CCDC141: variants seen among roughly 807,000 people sequenced by gnomAD.
CCDC141 encodes the protein coiled-coil domain containing 141.
Under a neutral mutation model 181.0 loss-of-function variants are expected in CCDC141, and 168 were observed. The observed-to-expected ratio is 0.93, with a 90% confidence interval of 0.82 to 1.05. The LOEUF (loss-of-function observed/expected upper bound fraction) is 1.05, where lower values mean the gene tolerates loss of function less well. CCDC141 is among the 50% of genes least tolerant of loss of function. CCDC141 has a pLI of 0.00. For missense variants in CCDC141, 1,902 were observed against 1,788.5 expected (o/e 1.06, Z -1.14); for synonymous variants, 666 against 642.3 (o/e 1.04, Z -0.56).
intron 4 of CCDC141, among the ~76,000 whole-genome samples, chr2:178,971,166 C>T (rs1014664783): frequency 6.6e-6 from 1 of 152,104 alleles, no homozygotes; most frequent in Non-Finnish European, 1.5e-5. Flanking sequence ...TGAGATTGCA[C>T]CACTGCACTC....
intron 3 of CCDC141, among the ~76,000 whole-genome samples, chr2:178,976,145 G>A (rs1429623353): frequency 6.6e-6 from 1 of 152,122 alleles, no homozygotes; most frequent in African/African-American, 2.4e-5. Context: ...TGATTATCCT[G>A]TCACAGTATG....
At chr2:178,934,005 G>A (rs78443056) in intron 6 of CCDC141, among the ~76,000 whole-genome samples, 2,878 of 152,198 alleles carry the variant, frequency 0.019, 84 homozygotes, top group East Asian at 0.13. Flanking sequence ...TTTTTTAACA[G>A]AAACTCCAAC....
chr2:178,873,635 T>C (rs958114074), intron 12 of CCDC141: 1 of 152,194 alleles, frequency 6.6e-6, no homozygotes, highest in Non-Finnish European at 1.5e-5. Flanking sequence ...TGTAGATGTC[T>C]AGCTAGTAGG....
intron 5 of CCDC141, among the ~76,000 whole-genome samples, chr2:178,952,750 G>C (rs1372216982): frequency 6.6e-6 from 1 of 152,228 alleles, no homozygotes; most frequent in Admixed American, 6.5e-5. Flanking sequence ...TCTATGGACA[G>C]TTAGACAGTC....
At chr2:178,939,583 T>G (rs1054711617) in intron 6 of CCDC141, among the ~76,000 whole-genome samples, 1 of 152,080 alleles carries the variant, frequency 6.6e-6, no homozygotes, top group Admixed American at 6.6e-5. Context: ...ATCAGATGGA[T>G]AGTTGATATT....
At chr2:178,821,270 T>C in the CCDC141 span, among the ~76,000 whole-genome samples, 6 of 152,312 alleles carry the variant, frequency 3.9e-5, no homozygotes, top group Admixed American at 6.5e-5. Flanking sequence ...TTATATTTTT[T>C]CTTTATTGAA....
chr2:178,980,741 T>C, intron 2 of CCDC141, among the ~76,000 whole-genome samples: 1 of 152,170 alleles, frequency 6.6e-6, no homozygotes, highest in East Asian at 1.9e-4. Context: ...GGAGTAACAA[T>C]GTGAAGTGAT....
At chr2:178,967,843 C>T (rs1235822206) in intron 4 of CCDC141, among the ~76,000 whole-genome samples, 1 of 152,050 alleles carries the variant, frequency 6.6e-6, no homozygotes, top group Non-Finnish European at 1.5e-5. Context: ...TCAGGAAACC[C>T]ATCTTATGTG....
At chr2:178,852,342 A>G (rs1306701869) in intron 20 of CCDC141, among the ~76,000 whole-genome samples, 1 of 152,210 alleles carries the variant, frequency 6.6e-6, no homozygotes, top group Admixed American at 6.5e-5. Context: ...GTTTATGGGT[A>G]GTAGAGAAGA....
At chr2:178,921,958 T>C (rs1359449992) in intron 6 of CCDC141, among the ~76,000 whole-genome samples, 1 of 152,236 alleles carries the variant, frequency 6.6e-6, no homozygotes, top group Non-Finnish European at 1.5e-5. Context: ...CAGGTAATTC[T>C]TTAAAAAGAT....
At chr2:178,884,280 A>T (rs1246172129) in intron 11 of CCDC141, among the ~76,000 whole-genome samples, 1 of 150,866 alleles carries the variant, frequency 6.6e-6, no homozygotes, top group Admixed American at 6.6e-5. Flanking sequence ...CCCCAAACTC[A>T]CTATGACCAA....
intron 7 of CCDC141, among the ~76,000 whole-genome samples, chr2:178,915,597 C>T (rs1013805778): frequency 6.6e-6 from 1 of 152,094 alleles, no homozygotes; most frequent in Admixed American, 6.6e-5. Context: ...AGGAAAGTAC[C>T]TTTTTGTAAA....
chr2:178,897,343 T>A (rs1015248542), intron 8 of CCDC141, among the ~76,000 whole-genome samples: 10 of 152,162 alleles, frequency 6.6e-5, no homozygotes, highest in African/African-American at 2.4e-4. Flanking sequence ...AAGAAAGTGA[T>A]CATGTCCTGT....
chr2:178,900,520 GT>G (rs1167721057), intron 8 of CCDC141, among the ~76,000 whole-genome samples: 2 of 151,872 alleles, frequency 1.3e-5, no homozygotes, highest in Admixed American at 6.6e-5. Flanking sequence ...TTGTTTGTTT[GT>G]TTTTTGTAGT....
At position 178,961,306 on chromosome 2, in the gene CCDC141, T is replaced by C. The variant is rs1029313097; in HGVS notation, c.704A>G (p.Asp235Gly). 1.8e-5 allele frequency: 28 copies of C among 1,550,408 alleles called. No individual in the cohort carries two copies. The African/African-American group carries it at 3.6e-4, about 20-fold the overall frequency. Residue 235 changes from aspartate to glycine, a missense_variant, in exon 5 of 24, where the codon GAC (aspartate) becomes GGC (glycine). Physicochemically the swap from Asp to Gly is moderately conservative, Grantham distance 94. Transcript: ENST00000443758. The part of the protein sequence containing the change: ...ELLQDRRRQL[D>G]KYLKQQWQEL... ...TTGCCACTGTTGCTTCAAGTACTTG[T>C]CTAGTTGTCTTCTCCTGTCTTGTAG... is the stretch of plus-strand genomic sequence containing the variant.
At chr2:179,002,596 A>G (rs988250320) in intron 2 of CCDC141, 1 of 278,012 alleles carries the variant, frequency 3.6e-6, no homozygotes, top group Non-Finnish European at 6.9e-6. Flanking sequence ...TGTTACTCCA[A>G]ATGTCTTACA....
At chr2:178,947,268 C>T (rs1459950373) in intron 5 of CCDC141, among the ~76,000 whole-genome samples, 1 of 152,102 alleles carries the variant, frequency 6.6e-6, no homozygotes, top group Non-Finnish European at 1.5e-5. Context: ...CAGCTGCTGT[C>T]CAGAAGCCTG....
At position 178,842,465 on chromosome 2, in the gene CCDC141, T is replaced by C. The variant is rs557347202; in HGVS notation, c.3474+3161A>G. Among the ~76,000 whole-genome samples the C allele has an allele frequency of 2.0e-5, 3 of 152,346 alleles. 1 individual carries two copies. The South Asian group carries it at 6.2e-4, about 32-fold the overall frequency. On this transcript the variant is annotated intron_variant, in intron 22 of 23. Transcript: ENST00000443758. ...TTATCTCTGTCAGGACTTCTGAACT[T>C]TCATTTCTGCTGATGGGCATAATCC...
intron 4 of CCDC141, among the ~76,000 whole-genome samples, chr2:178,964,644 T>A (rs1044989320): frequency 3.9e-5 from 6 of 152,198 alleles, no homozygotes; most frequent in Non-Finnish European, 7.3e-5. Flanking sequence ...GATTCTCCCC[T>A]CAGTTTCCTC....
Sources: allele counts gnomAD v4.1 joint callset (sites outside exome capture counted in the v4.1 genomes callset), GRCh38; gene constraint gnomAD v4.1.1; transcripts MANE v1.5; gene names NCBI Gene and HGNC (gene_info 2026-07-23, HGNC 2026-07-21).